The following PHF24 variants were observed in gnomAD, a reference collection of about 807,000 sequenced individuals.
PHF24 encodes PHD finger protein 24.
PHF24 carries 25 observed loss-of-function variants against 42.6 expected under a neutral mutation model. The observed-to-expected ratio is 0.59, with a 90% CI of 0.43 to 0.82. The LOEUF (loss-of-function observed/expected upper bound fraction) is 0.82, where lower values mean the gene tolerates loss of function less well. PHF24 is among the 40% of genes least tolerant of loss of function. The pLI, the probability that PHF24 is intolerant of heterozygous loss-of-function variation, is 0.00. For synonymous variants in PHF24, 185 were observed against 204.8 expected (o/e 0.90, Z 0.83); for missense variants, 470 against 538.1 (o/e 0.87, Z 1.25).
chr9:34,685,422 G>A, the PHF24 span, among the ~76,000 whole-genome samples: 8 of 152,292 alleles, frequency 5.3e-5, no homozygotes, highest in Admixed American at 4.6e-4. Flanking sequence ...AGAGGCCCAG[G>A]AAGCTGGAAG....
chr9:34,824,238 GTC>G, the PHF24 span, among the ~76,000 whole-genome samples: 4 of 152,246 alleles, frequency 2.6e-5, no homozygotes, highest in Non-Finnish European at 1.5e-5. Flanking sequence ...GGGTCACAGA[GTC>G]TGGGGGCATG....
chr9:34,797,722 C>T, the PHF24 span, among the ~76,000 whole-genome samples: 2 of 151,394 alleles, frequency 1.3e-5, no homozygotes, highest in Admixed American at 6.6e-5. Flanking sequence ...GCTAGGGTCT[C>T]GGGGGGGTTT....
chr9:34,788,256 T>C, the PHF24 span, among the ~76,000 whole-genome samples: 1 of 152,180 alleles, frequency 6.6e-6, no homozygotes, highest in African/African-American at 2.4e-5. Context: ...TTGCCCAGTC[T>C]GGTCTTGAAC....
chr9:34,769,295 T>C, the PHF24 span, among the ~76,000 whole-genome samples: 1 of 152,054 alleles, frequency 6.6e-6, no homozygotes, highest in Non-Finnish European at 1.5e-5. Context: ...TTTGTATTTT[T>C]ACAAAATGCA....
At chr9:34,752,067 G>T in the PHF24 span, among the ~76,000 whole-genome samples, 1 of 152,024 alleles carries the variant, frequency 6.6e-6, no homozygotes, top group Non-Finnish European at 1.5e-5. Context: ...TAACGGGGAA[G>T]TTTATAGCTA....
At chr9:34,910,831 T>A in the PHF24 span, among the ~76,000 whole-genome samples, 1 of 152,114 alleles carries the variant, frequency 6.6e-6, no homozygotes, top group African/African-American at 2.4e-5. Context: ...CTTCTTTTTT[T>A]TTTTCAATTG....
chr9:34,889,708 GGCCCTGCAAATTTTGACCCTGCAAATTTT>G, the PHF24 span: 26 of 397,808 alleles, frequency 6.5e-5, no homozygotes, highest in Non-Finnish European at 1.1e-4. Flanking sequence ...TAGAAAGTGT[GGCCCTGCAAATTTTGACCCTGCAAATTTT>G]GCCCTGTAAA....
At chr9:34,851,255 C>T in the PHF24 span, among the ~76,000 whole-genome samples, 1 of 152,346 alleles carries the variant, frequency 6.6e-6, no homozygotes, top group Admixed American at 6.5e-5. Flanking sequence ...GGGCTCCACC[C>T]AGTTCAAGCT....
At chr9:34,755,312 T>C in the PHF24 span, among the ~76,000 whole-genome samples, 1 of 152,184 alleles carries the variant, frequency 6.6e-6, no homozygotes, top group African/African-American at 2.4e-5. Flanking sequence ...AAATATCTCA[T>C]ATATTCCATA....
the PHF24 span, chr9:34,836,161 C>G: frequency 2.5e-6 from 1 of 398,204 alleles, no homozygotes; most frequent in Non-Finnish European, 5.0e-6. Flanking sequence ...AGTCTAGAAG[C>G]CTACACCCCC....
chr9:34,763,326 A>T, the PHF24 span, among the ~76,000 whole-genome samples: 1 of 152,242 alleles, frequency 6.6e-6, no homozygotes, highest in Non-Finnish European at 1.5e-5. Context: ...CTTCCTACCC[A>T]TGAGCATGGA....
the PHF24 span, among the ~76,000 whole-genome samples, chr9:34,666,940 G>A: frequency 4.0e-5 from 6 of 150,918 alleles, no homozygotes; most frequent in African/African-American, 1.5e-4. Context: ...GTGAGACTCC[G>A]TCTCAAACAA....
the PHF24 span, among the ~76,000 whole-genome samples, chr9:34,866,567 T>G: frequency 6.6e-6 from 1 of 152,078 alleles, no homozygotes; most frequent in South Asian, 2.1e-4. Flanking sequence ...AAATGCAGAA[T>G]GCATAGCATT....
At chr9:34,690,310 C>T in the PHF24 span, 1 of 1,614,068 alleles carries the variant, frequency 6.2e-7, no homozygotes, top group Non-Finnish European at 8.5e-7. Flanking sequence ...AGGCAGCAGT[C>T]TTCAGCATCA....
At chr9:34,948,874 A>C in the PHF24 span, among the ~76,000 whole-genome samples, 1 of 152,258 alleles carries the variant, frequency 6.6e-6, no homozygotes, top group Non-Finnish European at 1.5e-5. Context: ...ATGGCAACTC[A>C]AAGCTAGACC....
At chr9:34,855,988 T>C in the PHF24 span, among the ~76,000 whole-genome samples, 1 of 152,244 alleles carries the variant, frequency 6.6e-6, no homozygotes, top group Non-Finnish European at 1.5e-5. Context: ...TCTTTTTCTC[T>C]ATTCTTGTCT....
chr9:34,875,907 T>TACACAC, the PHF24 span, among the ~76,000 whole-genome samples: 21 of 116,280 alleles, frequency 1.8e-4, 1 homozygote, highest in South Asian at 2.1e-3. Flanking sequence ...CTCTCTCTCT[T>TACACAC]ACACACACAC....
the PHF24 span, chr9:34,681,098 C>T: frequency 3.3e-5 from 5 of 152,182 alleles, no homozygotes; most frequent in South Asian, 2.1e-4. Context: ...TTGACTGGAG[C>T]GACCATGGAA....
chr9:34,743,273 T>C, the PHF24 span, among the ~76,000 whole-genome samples: 1 of 152,222 alleles, frequency 6.6e-6, no homozygotes. Context: ...TTTGACAAAG[T>C]AGTAAACTCT....
Sources: gnomAD v4.1 joint callset for allele counts (sites outside exome capture counted in the v4.1 genomes callset) on GRCh38, gnomAD v4.1.1 for gene constraint, MANE v1.5 for transcripts, NCBI Gene and HGNC (gene_info 2026-07-23, HGNC 2026-07-21) for gene names.